The following CYB5R3 variants were observed in gnomAD, a reference collection of about 807,000 sequenced individuals.
CYB5R3 encodes the protein cytochrome b5 reductase 3.
CYB5R3 carries 28 observed loss-of-function variants against 36.5 expected under a neutral mutation model. The observed-to-expected ratio is 0.77, with a 90% CI of 0.57 to 1.05. CYB5R3 has a LOEUF of 1.05. CYB5R3 is among the 50% of genes least tolerant of loss of function. The pLI is 0.00. For synonymous variants in CYB5R3, 181 were observed against 159.8 expected, an observed-to-expected ratio of 1.13 and a Z score of -1.00; for missense variants, 474 against 408.9, an observed-to-expected ratio of 1.16 and a Z score of -1.37.
intron 7 of CYB5R3, among the ~76,000 whole-genome samples, chr22:42,626,409 G>A (rs1928269671): frequency 6.6e-6 from 1 of 152,150 alleles, no homozygotes; most frequent in Non-Finnish European, 1.5e-5. Context: ...GTGTTCGGAG[G>A]TATGAGATGA....
At chr22:42,639,757 TAGGGGCAA>T in intron 1 of CYB5R3, 1 of 571,868 alleles carries the variant, frequency 1.7e-6, no homozygotes, top group Non-Finnish European at 3.0e-6. Context: ...CTGAAATATT[TAGGGGCAA>T]AGGGGCAACT....
At chr22:42,635,905 T>C (rs1045863226) in intron 2 of CYB5R3, among the ~76,000 whole-genome samples, 2 of 152,114 alleles carry the variant, frequency 1.3e-5, no homozygotes, top group African/African-American at 2.4e-5. Context: ...TTTTAAATCA[T>C]AATCAGAGCT....
chr22:42,646,050 G>GC (rs1357331802), intron 1 of CYB5R3, among the ~76,000 whole-genome samples: 1 of 152,148 alleles, frequency 6.6e-6, no homozygotes, highest in Non-Finnish European at 1.5e-5. Flanking sequence ...ACGGTGGGGT[G>GC]CACTCTCTTC....
At chr22:42,639,919 A>G in intron 1 of CYB5R3, 9 of 1,550,280 alleles carry the variant, frequency 5.8e-6, no homozygotes, top group Non-Finnish European at 7.8e-6. Context: ...GTCCAACAAC[A>G]CTCAAATAAT....
At chr22:42,640,221 A>C in intron 1 of CYB5R3, 1 of 1,597,104 alleles carries the variant, frequency 6.3e-7, no homozygotes, top group African/African-American at 1.3e-5. Flanking sequence ...AAGTCACAGC[A>C]GCATTCACCA....
At position 42,619,069 on chromosome 22, in the gene CYB5R3, A is replaced by G. The variant is rs1485921791; in HGVS notation, c.*704T>C. On this transcript the variant is annotated 3_prime_UTR_variant, in exon 9 of 9. Transcript: ENST00000352397. ...GATGGTGGCCCCAGCCCAGGACCCC[A>G]AAACCCTGAGGCGGTGCAGTGGGCT... is the stretch of plus-strand genomic sequence containing the variant. The G allele has an allele frequency of 6.5e-6, 1 of 152,700 alleles. No homozygotes were observed. The highest frequency in any genetic ancestry group is 2.4e-5 in the African/African-American group (1 of 41,468). The allele number at this position is 152,700 out of a possible 1,614,324, so 9.5% of individuals were successfully genotyped here.
intron 2 of CYB5R3, 69 bp downstream of exon 2, chr22:42,636,646 C>T: frequency 6.3e-7 from 1 of 1,586,594 alleles, no homozygotes; most frequent in Non-Finnish European, 8.5e-7. Flanking sequence ...AGGACCATGC[C>T]CTGAGCACAG....
chr22:42,623,739 C>T, intron 8 of CYB5R3, 50 bp downstream of exon 8: 1 of 1,487,542 alleles, frequency 6.7e-7, no homozygotes, highest in Non-Finnish European at 9.4e-7. Flanking sequence ...CAAAGGTGAA[C>T]TGTGGGCTGG....
intron 4 of CYB5R3, among the ~76,000 whole-genome samples, chr22:42,628,502 G>A (rs1928426860): frequency 6.6e-6 from 1 of 152,138 alleles, no homozygotes. Flanking sequence ...ACATATCCGG[G>A]GAAAGCAAAC....
rs893909164 is a variant in CYB5R3, at chr22:42,646,564, C to T, written c.21+2731G>A. On this transcript the variant is annotated intron_variant, in intron 1 of 8. Coordinates refer to ENST00000352397, the MANE Select transcript of CYB5R3 (RefSeq NM_000398.7). The stretch of plus-strand genomic sequence containing the variant: ...CAGAGAGAGCTGCCAGGGCCCCCGA[C>T]CTGGCAGGCCCGGTCCTCCCCAGGT... The T allele has an allele frequency of 3.7e-6, 3 of 820,312 alleles. No homozygotes were observed. In the African/African-American group the frequency reaches 5.6e-5, roughly 15 times the overall value. The allele number at this position is 820,312 out of a possible 1,614,324, so 50.8% of individuals were successfully genotyped here. A position where few individuals can be genotyped will look rare whatever the true frequency, so the allele number is the denominator to read the frequency against.
At chr22:42,643,776 G>T (rs1324555768) in intron 1 of CYB5R3, among the ~76,000 whole-genome samples, 1 of 152,166 alleles carries the variant, frequency 6.6e-6, no homozygotes, top group Non-Finnish European at 1.5e-5. Context: ...GGGTCAGAGA[G>T]ACCAGGGTTT....
chr22:42,621,706 G>T (rs1005298657), intron 8 of CYB5R3, among the ~76,000 whole-genome samples: 17 of 152,242 alleles, frequency 1.1e-4, no homozygotes, highest in African/African-American at 4.1e-4. Flanking sequence ...GCCACCAGGG[G>T]TCAGCACTGG....
rs1200346977 is a variant in CYB5R3 at position 42,619,078 on chromosome 22, AGGCG to A, written c.*691_*694del. 1 of 152,950 alleles carries A rather than the reference AGGCG, an allele frequency of 6.5e-6. No homozygotes were observed. Among genetic ancestry groups the A allele is most frequent in the Non-Finnish European group, 1.5e-5 (1 of 68,630 alleles). The allele number at this position is 152,950 out of a possible 1,614,324, so 9.5% of individuals were successfully genotyped here. On this transcript the variant is annotated 3_prime_UTR_variant, in exon 9 of 9. Coordinates refer to ENST00000352397, the MANE Select transcript of CYB5R3 (RefSeq NM_000398.7). ...CCCAGCCCAGGACCCCAAAACCCTG[AGGCG>A]GTGCAGTGGGCTGCCAACCCCCCAG...
chr22:42,618,222 T>C lies in CYB5R3; in HGVS notation c.*1551A>G, dbSNP rs1927729402. ...ATACTTCTCTGCACTTTCCAAATTTTCTACCACAAAGATACATCAGAAATA... is the reference window on the plus strand; with the variant it reads ...ATACTTCTCTGCACTTTCCAAATTTCCTACCACAAAGATACATCAGAAATA... On this transcript the variant is annotated 3_prime_UTR_variant, in exon 9 of 9. Transcript: ENST00000352397. 6.6e-6 allele frequency: 1 copy of C among 152,192 alleles called. No individual in the cohort carries two copies. Among genetic ancestry groups the C allele is most frequent in the Admixed American group, 6.5e-5 (1 of 15,274 alleles). The allele number at this position is 152,192 out of a possible 1,614,324, so 9.4% of individuals were successfully genotyped here.
At chr22:42,628,588 C>T (rs916074300) in intron 4 of CYB5R3, among the ~76,000 whole-genome samples, 4 of 152,196 alleles carry the variant, frequency 2.6e-5, no homozygotes, top group Admixed American at 6.5e-5. Context: ...TCTGGGGCCC[C>T]CTCCCAACGG....
Position 42,627,393 on chromosome 22 carries a change from C to A in CYB5R3, c.548-4G>T, listed in dbSNP as rs1261618180. Reference sequence around the variant, plus strand: ...ACCTGCAGCATCGGGGTGATGCCTGCAAAATAGCCGGCCGGGCCTCGCACG... The same window carrying A: ...ACCTGCAGCATCGGGGTGATGCCTGAAAAATAGCCGGCCGGGCCTCGCACG... On this transcript the variant is annotated splice_polypyrimidine_tract_variant and splice_region_variant and intron_variant, in intron 6 of 8. Coordinates refer to ENST00000352397, the MANE Select transcript of CYB5R3 (RefSeq NM_000398.7). The A allele has an allele frequency of 2.3e-5, 37 of 1,613,532 alleles. No individual in the cohort carries two copies. The highest frequency in any genetic ancestry group is 3.0e-5 in the Non-Finnish European group (35 of 1,179,842).
At chr22:42,639,798 T>C (rs1193650676) in intron 1 of CYB5R3, 1 of 774,762 alleles carries the variant, frequency 1.3e-6, no homozygotes, top group Non-Finnish European at 2.0e-6. Context: ...GTTCAAAATA[T>C]AGACACAGTT....
chr22:42,632,694 G>A (rs1037232926), intron 2 of CYB5R3: 1 of 152,258 alleles, frequency 6.6e-6, no homozygotes, highest in East Asian at 1.9e-4. Context: ...AAGGGTCAAG[G>A]TCAGACACCC....
chr22:42,641,240 T>A, intron 1 of CYB5R3, among the ~76,000 whole-genome samples: 1 of 152,246 alleles, frequency 6.6e-6, no homozygotes, highest in Non-Finnish European at 1.5e-5. Flanking sequence ...ACAAATATGT[T>A]ATTGGTAAGG....
Sources: allele counts gnomAD v4.1 joint callset (sites outside exome capture counted in the v4.1 genomes callset), GRCh38; gene constraint gnomAD v4.1.1; transcripts MANE v1.5; gene names NCBI Gene and HGNC (gene_info 2026-07-23, HGNC 2026-07-21).